The following LRMDA variants were observed in gnomAD, a reference collection of about 807,000 sequenced individuals.
The protein encoded by LRMDA is leucine-rich melanocyte differentiation-associated protein.
In LRMDA, 18 loss-of-function variants were observed where a neutral mutation model predicts 29.8. The observed-to-expected ratio is 0.60, with a 90% CI of 0.42 to 0.90. The LOEUF (loss-of-function observed/expected upper bound fraction) is 0.90. Ranked by LOEUF, LRMDA falls within the 40% of genes least tolerant of loss-of-function variation. LRMDA has a pLI of 0.00. For missense variants in LRMDA, 273 were observed against 273.9 expected, an observed-to-expected ratio of 1.00 and a Z score of 0.02; for synonymous variants, 125 against 109.4, an observed-to-expected ratio of 1.14 and a Z score of -0.89.
intron 6 of LRMDA, among the ~76,000 whole-genome samples, chr10:76,526,139 G>A (rs1013826951): frequency 6.6e-6 from 1 of 152,180 alleles, no homozygotes; most frequent in Admixed American, 6.5e-5. Flanking sequence ...GTGTTCTGTG[G>A]TCTAGGGAAA....
At chr10:76,089,601 C>G (rs541986851) in intron 5 of LRMDA, among the ~76,000 whole-genome samples, 1 of 152,050 alleles carries the variant, frequency 6.6e-6, no homozygotes. Flanking sequence ...TGCTTGGAGG[C>G]GACAGCTCTG....
chr10:75,783,753 C>T (rs557527699), intron 2 of LRMDA, among the ~76,000 whole-genome samples: 24 of 152,232 alleles, frequency 1.6e-4, no homozygotes, highest in South Asian at 1.0e-3. Flanking sequence ...TAGGTGAAAG[C>T]GCCAGGCACA....
chr10:75,602,441 G>A (rs1474815439), intron 2 of LRMDA, among the ~76,000 whole-genome samples: 3 of 152,164 alleles, frequency 2.0e-5, no homozygotes, highest in African/African-American at 7.2e-5. Flanking sequence ...ACTCAAGGTA[G>A]GGCTGTGTCT....
chr10:76,059,294 G>GC (rs975541304), intron 5 of LRMDA, among the ~76,000 whole-genome samples: 1 of 152,170 alleles, frequency 6.6e-6, no homozygotes, highest in East Asian at 1.9e-4. Flanking sequence ...GCTGGCATGT[G>GC]CCCCCCACAT....
chr10:76,307,278 G>C (rs578024671), intron 5 of LRMDA, among the ~76,000 whole-genome samples: 1 of 152,128 alleles, frequency 6.6e-6, no homozygotes, highest in Non-Finnish European at 1.5e-5. Flanking sequence ...AAGACCTCGT[G>C]GGGAGGGTTT....
intron 2 of LRMDA, among the ~76,000 whole-genome samples, chr10:75,578,172 C>T (rs904248517): frequency 6.7e-5 from 6 of 88,976 alleles, no homozygotes; most frequent in Non-Finnish European, 1.2e-4. Context: ...CACAGAGGCT[C>T]AAAATAAAGG....
At chr10:76,008,973 C>T (rs1281722043) in intron 2 of LRMDA, among the ~76,000 whole-genome samples, 1 of 152,134 alleles carries the variant, frequency 6.6e-6, no homozygotes, top group Non-Finnish European at 1.5e-5. Flanking sequence ...TATCAAGTTC[C>T]TTGTCCAAAA....
chr10:75,819,110 G>A (rs917307306), intron 2 of LRMDA, among the ~76,000 whole-genome samples: 1 of 152,184 alleles, frequency 6.6e-6, no homozygotes, highest in Non-Finnish European at 1.5e-5. Context: ...TAAATGTCTT[G>A]ATGGCTTTTT....
In LRMDA at chr10:75,602,096, C is replaced by T. The variant is rs146729374; in HGVS notation, c.131+163602C>T. Among the ~76,000 whole-genome samples, 754 of 152,246 alleles carry T rather than the reference C, an allele frequency of 5.0e-3. 3 individuals carry two copies. The highest frequency in any genetic ancestry group is 6.7e-3 in the Non-Finnish European group (456 of 68,026). ...CAGTGCTGGGTCAAATCATGTGCCT[C>T]ATGTTTGCTGCTAATGGAAGAAGAG... is the stretch of plus-strand genomic sequence containing the variant. On this transcript the variant is annotated intron_variant, in intron 2 of 6. Transcript: ENST00000611255.
At chr10:75,552,321 T>C (rs1589179885) in intron 2 of LRMDA, 1 of 168,254 alleles carries the variant, frequency 5.9e-6, no homozygotes, top group Admixed American at 6.2e-5. Context: ...GGACAGTTTT[T>C]TCTGTCAGTG....
chr10:75,561,988 T>G (rs1405280362), intron 2 of LRMDA, among the ~76,000 whole-genome samples: 1 of 152,088 alleles, frequency 6.6e-6, no homozygotes, highest in Non-Finnish European at 1.5e-5. Flanking sequence ...GGTGTGGTGC[T>G]GAAAAAAATG....
At chr10:76,129,695 A>C (rs986669286) in intron 5 of LRMDA, among the ~76,000 whole-genome samples, 1 of 152,116 alleles carries the variant, frequency 6.6e-6, no homozygotes, top group Non-Finnish European at 1.5e-5. Context: ...GGGGTTCCAC[A>C]GTTCTGCTCT....
intron 2 of LRMDA, among the ~76,000 whole-genome samples, chr10:76,012,127 C>T (rs979205328): frequency 1.3e-5 from 2 of 152,202 alleles, no homozygotes; most frequent in Non-Finnish European, 2.9e-5. Context: ...AAAGCTGGTT[C>T]CTGGAGCGCA....
intron 6 of LRMDA, among the ~76,000 whole-genome samples, chr10:76,448,891 T>C (rs1299594812): frequency 1.3e-5 from 2 of 152,032 alleles, no homozygotes; most frequent in African/African-American, 4.8e-5. Flanking sequence ...TAAGTCTTGA[T>C]ATGAATTTGC....
At chr10:76,036,980 T>G (rs184646886) in intron 3 of LRMDA, among the ~76,000 whole-genome samples, 1 of 152,304 alleles carries the variant, frequency 6.6e-6, no homozygotes, top group African/African-American at 2.4e-5. Flanking sequence ...GCTCAATAAA[T>G]ATTTGAGGGA....
intron 2 of LRMDA, among the ~76,000 whole-genome samples, chr10:75,800,532 C>A (rs550629008): frequency 6.6e-6 from 1 of 151,786 alleles, no homozygotes; most frequent in Non-Finnish European, 1.5e-5. Context: ...CCGCCTCCCG[C>A]GTTCAAGTGA....
intron 2 of LRMDA, among the ~76,000 whole-genome samples, chr10:75,594,921 G>A (rs1167274360): frequency 6.6e-6 from 1 of 151,954 alleles, no homozygotes; most frequent in Non-Finnish European, 1.5e-5. Context: ...TCATCTGTTT[G>A]CATATGTTCA....
At chr10:76,518,750 T>A (rs960985107) in intron 6 of LRMDA, among the ~76,000 whole-genome samples, 16 of 152,060 alleles carry the variant, frequency 1.1e-4, no homozygotes, top group Admixed American at 1.0e-3. Flanking sequence ...AGTAAAAGAT[T>A]TCAAAATATT....
intron 2 of LRMDA, among the ~76,000 whole-genome samples, chr10:75,790,671 C>T (rs1370408791): frequency 6.6e-6 from 1 of 152,224 alleles, no homozygotes; most frequent in East Asian, 1.9e-4. Context: ...TCATGCACAA[C>T]TTATATTTGG....
Sources: allele counts gnomAD v4.1 joint callset (sites outside exome capture counted in the v4.1 genomes callset), GRCh38; gene constraint gnomAD v4.1.1; transcripts MANE v1.5; gene names NCBI Gene and HGNC (gene_info 2026-07-23, HGNC 2026-07-21).